The following CMTM7 variants were observed in gnomAD, a reference collection of about 807,000 sequenced individuals.
CMTM7 encodes the protein CKLF like MARVEL transmembrane domain containing 7, also known as CKLF-like MARVEL transmembrane domain-containing protein 7.
CMTM7 carries 7 observed loss-of-function variants against 19.3 expected under a neutral mutation model. That is an observed-to-expected ratio of 0.36 (90% confidence interval 0.21 to 0.68). The LOEUF is 0.68. Among genes scored for constraint, CMTM7 ranks in the 30% least tolerant of loss-of-function variants. The pLI is 0.60. For missense variants in CMTM7, 193 were observed against 232.6 expected, an observed-to-expected ratio of 0.83 and a Z score of 1.11; for synonymous variants, 87 against 99.3, an observed-to-expected ratio of 0.88 and a Z score of 0.74.
At chr3:32,446,177 C>T (rs549132084) in intron 2 of CMTM7, among the ~76,000 whole-genome samples, 6 of 152,000 alleles carry the variant, frequency 3.9e-5, no homozygotes, top group Admixed American at 6.6e-5. Flanking sequence ...ATTGTTAATT[C>T]GAACTCTAAT....
At chr3:32,434,463 A>AT (rs35721595) in intron 1 of CMTM7, among the ~76,000 whole-genome samples, 109,937 of 150,286 alleles carry the variant, frequency 0.73, 40,305 homozygotes, top group Non-Finnish European at 0.76. Context: ...TGCCTGGCCA[A>AT]TTTTAAAAAT....
chr3:32,443,602 T>A (rs1002731405), intron 2 of CMTM7, among the ~76,000 whole-genome samples: 2 of 152,200 alleles, frequency 1.3e-5, no homozygotes, highest in Non-Finnish European at 2.9e-5. Flanking sequence ...AATTACTGAG[T>A]CATATGGTCA....
intron 1 of CMTM7, among the ~76,000 whole-genome samples, chr3:32,399,723 C>T (rs1695973467): frequency 6.6e-6 from 1 of 152,164 alleles, no homozygotes; most frequent in Non-Finnish European, 1.5e-5. Context: ...GTGCAGTCTG[C>T]ACACCCATGT....
intron 1 of CMTM7, among the ~76,000 whole-genome samples, chr3:32,431,406 C>T (rs1696516660): frequency 6.6e-6 from 1 of 151,978 alleles, no homozygotes; most frequent in South Asian, 2.1e-4. Flanking sequence ...ATTGGAGTAA[C>T]ACTTTTTTTT....
intron 1 of CMTM7, among the ~76,000 whole-genome samples, chr3:32,430,942 T>C (rs1696509261): frequency 6.6e-6 from 1 of 152,136 alleles, no homozygotes; most frequent in Non-Finnish European, 1.5e-5. Flanking sequence ...GGATATAAAA[T>C]TGCATTTGTT....
intron 1 of CMTM7, among the ~76,000 whole-genome samples, chr3:32,408,177 C>T (rs1341410319): frequency 1.3e-5 from 2 of 152,182 alleles, no homozygotes; most frequent in East Asian, 1.9e-4. Context: ...CCTGCTGATG[C>T]GTTGACTTCA....
chr3:32,446,267 T>A (rs975131060), intron 2 of CMTM7, among the ~76,000 whole-genome samples: 3 of 152,200 alleles, frequency 2.0e-5, no homozygotes, highest in Non-Finnish European at 4.4e-5. Context: ...GTCCATTTCA[T>A]CTAAGTCATT....
intron 2 of CMTM7, among the ~76,000 whole-genome samples, chr3:32,445,800 G>A (rs1259993554): frequency 6.6e-6 from 1 of 152,122 alleles, no homozygotes; most frequent in African/African-American, 2.4e-5. Context: ...ACAGGCATGA[G>A]CCCCCACACC....
intron 1 of CMTM7, among the ~76,000 whole-genome samples, chr3:32,417,190 C>T (rs192033158): frequency 6.6e-6 from 1 of 152,200 alleles, no homozygotes; most frequent in Admixed American, 6.5e-5. Context: ...AGAACAGTTC[C>T]ATCACCCTAA....
chr3:32,407,221 C>T (rs1007236458), intron 1 of CMTM7, among the ~76,000 whole-genome samples: 2 of 152,198 alleles, frequency 1.3e-5, no homozygotes, highest in African/African-American at 2.4e-5. Context: ...GCAAACCTGG[C>T]TTATTTGTTT....
intron 1 of CMTM7, among the ~76,000 whole-genome samples, chr3:32,423,589 G>A (rs1696378554): frequency 6.6e-6 from 1 of 152,162 alleles, no homozygotes; most frequent in Non-Finnish European, 1.5e-5. Flanking sequence ...GCAGAGCGTG[G>A]AGCCCCCAGG....
chr3:32,410,520 G>A (rs533079771), intron 1 of CMTM7, among the ~76,000 whole-genome samples: 5 of 152,232 alleles, frequency 3.3e-5, no homozygotes, highest in African/African-American at 7.2e-5. Context: ...GGGGGCTGGG[G>A]TGTGGGCCCA....
chr3:32,440,054 A>G (rs1283206716), intron 1 of CMTM7, among the ~76,000 whole-genome samples: 1 of 149,294 alleles, frequency 6.7e-6, no homozygotes, highest in Non-Finnish European at 1.5e-5. Flanking sequence ...ACACCCATAC[A>G]CTAACACCAC....
chr3:32,433,804 G>A (rs1049400475), intron 1 of CMTM7, among the ~76,000 whole-genome samples: 10 of 152,160 alleles, frequency 6.6e-5, no homozygotes, highest in Non-Finnish European at 1.3e-4. Flanking sequence ...GGGAAAAAGT[G>A]AGCTGTCCAG....
intron 1 of CMTM7, among the ~76,000 whole-genome samples, chr3:32,413,995 G>T (rs1696220134): frequency 6.6e-6 from 1 of 152,158 alleles, no homozygotes; most frequent in South Asian, 2.1e-4. Context: ...TCAGTGGAGA[G>T]TCAGGAAGGC....
At chr3:32,430,527 C>G (rs527975003) in intron 1 of CMTM7, among the ~76,000 whole-genome samples, 1 of 152,308 alleles carries the variant, frequency 6.6e-6, no homozygotes, top group African/African-American at 2.4e-5. Context: ...AGGGACACCA[C>G]AGTGAATCCA....
chr3:32,440,473 T>C (rs1696658992), intron 1 of CMTM7, among the ~76,000 whole-genome samples: 1 of 151,840 alleles, frequency 6.6e-6, no homozygotes, highest in Non-Finnish European at 1.5e-5. Flanking sequence ...TCTAAATTGG[T>C]TGTGCATTTT....
intron 1 of CMTM7, among the ~76,000 whole-genome samples, chr3:32,409,444 GT>G (rs1169091311): frequency 6.6e-6 from 1 of 152,162 alleles, no homozygotes; most frequent in Non-Finnish European, 1.5e-5. Context: ...TTGCAGTACA[GT>G]TACTTAAATC....
intron 1 of CMTM7, among the ~76,000 whole-genome samples, chr3:32,440,250 T>C (rs1298611554): frequency 6.6e-6 from 1 of 151,702 alleles, no homozygotes; most frequent in Non-Finnish European, 1.5e-5. Flanking sequence ...CTACTAAAAA[T>C]GCAAAAATTA....
Sources: gnomAD v4.1 joint callset for allele counts (sites outside exome capture counted in the v4.1 genomes callset) on GRCh38, gnomAD v4.1.1 for gene constraint, MANE v1.5 for transcripts, NCBI Gene and HGNC (gene_info 2026-07-23, HGNC 2026-07-21) for gene names.